MSRA: variants seen among roughly 807,000 people sequenced by gnomAD.
The protein encoded by MSRA is methionine sulfoxide reductase A, also known as mitochondrial peptide methionine sulfoxide reductase.
Under a neutral mutation model 31.3 loss-of-function variants are expected in MSRA, and 54 were observed. The ratio of observed to expected loss-of-function variants is 1.73; its 90% CI spans 1.39 to 2.17. The LOEUF (loss-of-function observed/expected upper bound fraction) is 2.17, where lower values mean the gene tolerates loss of function less well. MSRA is among the 30% of genes most tolerant of loss of function. The pLI is 0.00. For synonymous variants in MSRA, 169 were observed against 116.5 expected, an observed-to-expected ratio of 1.45 and a Z score of -2.90; for missense variants, 507 against 300.9, an observed-to-expected ratio of 1.69 and a Z score of -5.07.
intron 1 of MSRA, among the ~76,000 whole-genome samples, chr8:10,192,572 C>G (rs1161541566): frequency 1.3e-5 from 2 of 152,244 alleles, no homozygotes; most frequent in Admixed American, 6.5e-5. Context: ...GAAGAAAACT[C>G]ATTCCTCAGT....
chr8:10,166,617 C>T lies in MSRA; in HGVS notation c.143-41216C>T, dbSNP rs958229854. On this transcript the variant is annotated intron_variant, in intron 1 of 5. Transcript: ENST00000317173. ...AATTATATAACAAGCGACTTTGTCTCATTCTTCAGCTTTGCATTCTGTGGG... is the reference window on the plus strand; with the variant it reads ...AATTATATAACAAGCGACTTTGTCTTATTCTTCAGCTTTGCATTCTGTGGG... 3.3e-5 allele frequency among the ~76,000 whole-genome samples: 5 copies of T among 152,128 alleles called. No individual in the cohort carries two copies. The East Asian group carries it at 9.6e-4, about 29-fold the overall frequency.
chr8:10,318,840 G>A (rs1801875588), intron 4 of MSRA, among the ~76,000 whole-genome samples: 1 of 152,068 alleles, frequency 6.6e-6, no homozygotes, highest in Non-Finnish European at 1.5e-5. Flanking sequence ...CTTGAGAAGC[G>A]GGCATCAGGG....
intron 5 of MSRA, among the ~76,000 whole-genome samples, chr8:10,325,367 A>T (rs1802301879): frequency 6.6e-6 from 1 of 152,060 alleles, no homozygotes; most frequent in Non-Finnish European, 1.5e-5. Context: ...GCTATATAAT[A>T]ATAATAGTAA....
At chr8:10,289,011 T>C (rs1800087656) in intron 3 of MSRA, among the ~76,000 whole-genome samples, 1 of 152,048 alleles carries the variant, frequency 6.6e-6, no homozygotes, top group Non-Finnish European at 1.5e-5. Flanking sequence ...CTTTTTGAAT[T>C]ATTTTACTTT....
chr8:10,239,153 A>G (rs1473116645), intron 2 of MSRA, among the ~76,000 whole-genome samples: 4 of 152,084 alleles, frequency 2.6e-5, no homozygotes, highest in African/African-American at 9.7e-5. Flanking sequence ...GTGATTAGCT[A>G]TGTATATGAC....
chr8:10,210,169 T>G (rs554556138), intron 2 of MSRA, among the ~76,000 whole-genome samples: 1 of 152,276 alleles, frequency 6.6e-6, no homozygotes, highest in Non-Finnish European at 1.5e-5. Context: ...TTGGGATACA[T>G]TGGGCATTTC....
rs1329958413 is a variant in MSRA, at chr8:10,054,423, T to A, written c.-94T>A. The A allele has an allele frequency of 5.9e-6, 2 of 337,588 alleles. No individual in the cohort carries two copies. The highest frequency in any genetic ancestry group is 9.3e-6 in the Non-Finnish European group (2 of 214,178). 20.9% of individuals were successfully genotyped at this position (337,588 alleles called of 1,614,324 possible). A position where few individuals can be genotyped will look rare whatever the true frequency, so the allele number is the denominator to read the frequency against. On this transcript the variant is annotated 5_prime_UTR_variant, in exon 1 of 6. Coordinates refer to ENST00000317173, the MANE Select transcript of MSRA (RefSeq NM_012331.5). Reference sequence around the variant, plus strand: ...CGCCCGCGCCCCTGCCGCCCCCCGGTTCCGGCCGCGGACCCCACTCTCTGC... The same window carrying A: ...CGCCCGCGCCCCTGCCGCCCCCCGGATCCGGCCGCGGACCCCACTCTCTGC...
chr8:10,183,682 T>C (rs2129050833), intron 1 of MSRA, among the ~76,000 whole-genome samples: 1 of 152,220 alleles, frequency 6.6e-6, no homozygotes, highest in African/African-American at 2.4e-5. Flanking sequence ...TTTCCCACTC[T>C]ACCCTGGAAG....
Position 10,095,796 on chromosome 8 carries a change from C to A in MSRA, c.142+41138C>A. On this transcript the variant is annotated intron_variant, in intron 1 of 5. Coordinates refer to ENST00000317173, the MANE Select transcript of MSRA (RefSeq NM_012331.5). ...TGGTACATACAATGACGTTTAGTCACCAGTATTAAGGGAAATAAAAGCCTT... is the reference window on the plus strand; with the variant it reads ...TGGTACATACAATGACGTTTAGTCAACAGTATTAAGGGAAATAAAAGCCTT... The A allele has an allele frequency of 2.5e-6, 3 of 1,206,660 alleles. No homozygotes were observed. The African/African-American group carries it at 4.7e-5, about 19-fold the overall frequency. 74.7% of individuals were successfully genotyped at this position (1,206,660 alleles called of 1,614,324 possible). A position where few individuals can be genotyped will look rare whatever the true frequency, so the allele number is the denominator to read the frequency against.
At chr8:10,139,011 C>A (rs1172823143) in intron 1 of MSRA, among the ~76,000 whole-genome samples, 3 of 152,286 alleles carry the variant, frequency 2.0e-5, no homozygotes, top group Middle Eastern at 3.4e-3. Context: ...TTGGGTGTTA[C>A]ATTAGGCCAG....
Position 10,054,460 on chromosome 8 carries a change from C to G in MSRA, c.-57C>G. 6.7e-7 allele frequency: 1 copy of G among 1,484,482 alleles called. No individual in the cohort carries two copies. The highest frequency in any genetic ancestry group is 9.0e-7 in the Non-Finnish European group (1 of 1,110,748). 92.0% of individuals were successfully genotyped at this position (1,484,482 alleles called of 1,614,324 possible). ...ACCCCACTCTCTGCCGTTCCGGCTG[C>G]GGCTCCGCTGCCGGTAGCGCCGTCC... On this transcript the variant is annotated 5_prime_UTR_variant, in exon 1 of 6. Transcript: ENST00000317173.
chr8:10,091,254 T>G (rs1585126017), intron 1 of MSRA, among the ~76,000 whole-genome samples: 1 of 152,244 alleles, frequency 6.6e-6, no homozygotes, highest in South Asian at 2.1e-4. Flanking sequence ...TTTTTACTTA[T>G]GTTCATTATT....
rs539943177 is a variant in MSRA at position 10,114,074 on chromosome 8, A to G, written c.142+59416A>G. 5.9e-5 allele frequency among the ~76,000 whole-genome samples: 9 copies of G among 152,320 alleles called. No homozygotes were observed. The East Asian group carries it at 1.4e-3, about 23-fold the overall frequency. ...AATCATGTAATAGGTGGTGCTGGTCATTGGCATCTGGCTTCTTTTGCTTAG... is the reference window on the plus strand; with the variant it reads ...AATCATGTAATAGGTGGTGCTGGTCGTTGGCATCTGGCTTCTTTTGCTTAG... On this transcript the variant is annotated intron_variant, in intron 1 of 5. Coordinates refer to ENST00000317173, the MANE Select transcript of MSRA (RefSeq NM_012331.5).
At chr8:10,384,309 A>T (rs1806254214) in intron 5 of MSRA, among the ~76,000 whole-genome samples, 1 of 152,192 alleles carries the variant, frequency 6.6e-6, no homozygotes, top group Non-Finnish European at 1.5e-5. Flanking sequence ...ATGCTGTCAG[A>T]CACTCTGCCT....
intron 1 of MSRA, among the ~76,000 whole-genome samples, chr8:10,086,208 C>A (rs758772698): frequency 6.6e-5 from 10 of 152,178 alleles, no homozygotes; most frequent in Non-Finnish European, 1.5e-4. Context: ...TATTGTCTGT[C>A]TTTATCCTAA....
intron 5 of MSRA, among the ~76,000 whole-genome samples, chr8:10,373,414 G>T (rs148955468): frequency 2.0e-5 from 3 of 152,368 alleles, no homozygotes; most frequent in Non-Finnish European, 4.4e-5. Context: ...TGTTGCACAG[G>T]CATGTGCGGT....
chr8:10,269,844 G>A (rs190850971), intron 3 of MSRA, among the ~76,000 whole-genome samples: 2 of 152,240 alleles, frequency 1.3e-5, no homozygotes, highest in Non-Finnish European at 2.9e-5. Context: ...GTAGAGACGG[G>A]GTTTCACCGT....
At chr8:10,211,252 A>G (rs549890961) in intron 2 of MSRA, among the ~76,000 whole-genome samples, 2 of 152,314 alleles carry the variant, frequency 1.3e-5, no homozygotes, top group African/African-American at 4.8e-5. Flanking sequence ...AAGGGATCAG[A>G]GAATAGATAG....
intron 5 of MSRA, among the ~76,000 whole-genome samples, chr8:10,324,453 A>G (rs11249989): frequency 0.77 from 117,384 of 151,620 alleles, 46,612 homozygotes; most frequent in Non-Finnish European, 0.88. Flanking sequence ...GCCACGGAAC[A>G]TGGGTTCCTG....
Sources: allele counts gnomAD v4.1 joint callset (sites outside exome capture counted in the v4.1 genomes callset), GRCh38; gene constraint gnomAD v4.1.1; transcripts MANE v1.5; gene names NCBI Gene and HGNC (gene_info 2026-07-23, HGNC 2026-07-21).